SORCS2: variants seen among roughly 807,000 people sequenced by gnomAD.
The protein encoded by SORCS2 is sortilin related VPS10 domain containing receptor 2, also known as VPS10 domain-containing receptor SorCS2.
In SORCS2, 100 loss-of-function variants were observed where a neutral mutation model predicts 141.6. The observed-to-expected ratio is 0.71, with a 90% CI of 0.60 to 0.83. SORCS2 has a LOEUF of 0.83. SORCS2 is among the 40% of genes least tolerant of loss of function. SORCS2 has a pLI of 0.00. For missense variants in SORCS2, 1,646 were observed against 1,560.2 expected (o/e 1.05, Z -0.93); for synonymous variants, 789 against 676.9 (o/e 1.17, Z -2.57).
chr4:7,620,118 C>G lies in SORCS2; in HGVS notation c.649-18210C>G, dbSNP rs377198717. ...CTGGGCTGGGGACCACTGGGCGTTT[C>G]TCCTGAGCACCCCCAGCACCTCTTC... On this transcript the variant is annotated intron_variant, in intron 3 of 26. Coordinates refer to ENST00000507866, the MANE Select transcript of SORCS2 (RefSeq NM_020777.3). Among the ~76,000 whole-genome samples, 50 of 152,182 alleles carry G rather than the reference C, an allele frequency of 3.3e-4. 1 individual carries two copies. In the East Asian group the frequency reaches 8.0e-3, roughly 24 times the overall value.
At chr4:7,430,081 A>T (rs1407217683) in intron 2 of SORCS2, among the ~76,000 whole-genome samples, 1 of 151,994 alleles carries the variant, frequency 6.6e-6, no homozygotes, top group African/African-American at 2.4e-5. Flanking sequence ...AATAGATTTG[A>T]CTTTCATCCC....
chr4:7,297,149 A>G (rs1001676256), intron 1 of SORCS2, among the ~76,000 whole-genome samples: 1 of 152,004 alleles, frequency 6.6e-6, no homozygotes, highest in African/African-American at 2.4e-5. Flanking sequence ...TCTCCTCTGC[A>G]TTAGGTGGAG....
intron 1 of SORCS2, among the ~76,000 whole-genome samples, chr4:7,328,192 A>AT (rs377012517): frequency 0.044 from 5,882 of 133,954 alleles, 351 homozygotes; most frequent in African/African-American, 0.14. Context: ...TGCCTGGCTA[A>AT]TTTTTTTTTT....
At chr4:7,253,398 A>C (rs1274670588) in intron 1 of SORCS2, among the ~76,000 whole-genome samples, 4 of 152,120 alleles carry the variant, frequency 2.6e-5, no homozygotes, top group African/African-American at 9.7e-5. Context: ...TATTCTGAGC[A>C]GTGACACGGG....
intron 2 of SORCS2, among the ~76,000 whole-genome samples, chr4:7,405,049 G>T (rs1724883437): frequency 6.6e-6 from 1 of 152,042 alleles, no homozygotes; most frequent in Admixed American, 6.6e-5. Context: ...AGAGATAGGG[G>T]TCCGTTTTCA....
At chr4:7,249,650 T>C (rs552483602) in intron 1 of SORCS2, among the ~76,000 whole-genome samples, 6 of 152,256 alleles carry the variant, frequency 3.9e-5, no homozygotes, top group Non-Finnish European at 7.4e-5. Flanking sequence ...GATGGGACTA[T>C]CACAGTCCCC....
chr4:7,195,021 A>C (rs1727087630), intron 1 of SORCS2, among the ~76,000 whole-genome samples: 1 of 149,770 alleles, frequency 6.7e-6, no homozygotes. Context: ...TTCCTGGGAG[A>C]GAGTTGAGGA....
chr4:7,245,730 T>G (rs915914173), intron 1 of SORCS2, among the ~76,000 whole-genome samples: 6 of 151,908 alleles, frequency 3.9e-5, no homozygotes, highest in African/African-American at 1.2e-4. Flanking sequence ...GCTTGGTGAG[T>G]GTAGAACTGA....
chr4:7,571,272 C>T (rs1715373298), intron 3 of SORCS2, among the ~76,000 whole-genome samples: 1 of 152,174 alleles, frequency 6.6e-6, no homozygotes, highest in African/African-American at 2.4e-5. Flanking sequence ...CAGACATGGC[C>T]CAGCCTTAGC....
At chr4:7,301,468 A>C (rs1404322825) in intron 1 of SORCS2, among the ~76,000 whole-genome samples, 1 of 152,208 alleles carries the variant, frequency 6.6e-6, no homozygotes, top group Admixed American at 6.5e-5. Flanking sequence ...AGTTCTCAGC[A>C]GCTGTCTTTA....
intron 3 of SORCS2, among the ~76,000 whole-genome samples, chr4:7,540,220 G>T (rs1358309830): frequency 7.7e-6 from 1 of 129,546 alleles, no homozygotes; most frequent in Non-Finnish European, 1.6e-5. Flanking sequence ...CCCTGCCTCT[G>T]CCTCTCCCTG....
rs933875426 is a variant in SORCS2 at position 7,739,532 on chromosome 4, A to G, written c.3416-668A>G. Among the ~76,000 whole-genome samples, 10 of 152,240 alleles carry G rather than the reference A, an allele frequency of 6.6e-5. No homozygotes were observed. In the South Asian group the frequency reaches 2.1e-3, roughly 32 times the overall value. On this transcript the variant is annotated intron_variant, in intron 26 of 26. Transcript: ENST00000507866. ...TGCAGCAGCCGCACTTCCCCGTCTG[A>G]CCCACGCCAGTCCTTTGAGGGGTGC...
intron 3 of SORCS2, among the ~76,000 whole-genome samples, chr4:7,593,000 A>G (rs1047023391): frequency 6.6e-6 from 1 of 152,118 alleles, no homozygotes. Context: ...CTGGCTTGAA[A>G]CACCAATTTA....
At chr4:7,632,035 T>C (rs1719929637) in intron 3 of SORCS2, among the ~76,000 whole-genome samples, 1 of 152,182 alleles carries the variant, frequency 6.6e-6, no homozygotes, top group African/African-American at 2.4e-5. Context: ...ATCACCCACT[T>C]GGCACACAGG....
At chr4:7,301,916 C>T (rs552289259) in intron 1 of SORCS2, among the ~76,000 whole-genome samples, 5 of 152,334 alleles carry the variant, frequency 3.3e-5, no homozygotes, top group South Asian at 4.1e-4. Flanking sequence ...AGTGCCATGG[C>T]GCCTCTCCTT....
chr4:7,687,592 C>T (rs548560254), intron 10 of SORCS2, among the ~76,000 whole-genome samples: 6 of 152,226 alleles, frequency 3.9e-5, no homozygotes, highest in Admixed American at 1.3e-4. Flanking sequence ...TATTCAGCTC[C>T]GGGCTCCCCA....
At chr4:7,428,563 T>TG (rs1184713950) in intron 2 of SORCS2, among the ~76,000 whole-genome samples, 5 of 151,846 alleles carry the variant, frequency 3.3e-5, no homozygotes, top group Non-Finnish European at 7.4e-5. Context: ...GAATAGCAGG[T>TG]GGGGGCCGGA....
intron 15 of SORCS2, 59 bp from the exon 16 acceptor site, chr4:7,714,181 G>C (rs1726027528): frequency 1.3e-6 from 2 of 1,565,054 alleles, no homozygotes; most frequent in African/African-American, 2.7e-5. Flanking sequence ...GCGGCACAAG[G>C]CCTTGTAGAG....
intron 2 of SORCS2, among the ~76,000 whole-genome samples, chr4:7,523,301 C>T (rs1361994351): frequency 6.6e-6 from 1 of 152,190 alleles, no homozygotes; most frequent in Non-Finnish European, 1.5e-5. Context: ...TACTCAAATC[C>T]AGTTCCCACA....
Sources: gnomAD v4.1 joint callset for allele counts (sites outside exome capture counted in the v4.1 genomes callset) on GRCh38, gnomAD v4.1.1 for gene constraint, MANE v1.5 for transcripts, NCBI Gene and HGNC (gene_info 2026-07-23, HGNC 2026-07-21) for gene names.